CUEDC1: variants seen among roughly 807,000 people sequenced by gnomAD.
The protein encoded by CUEDC1 is CUE domain-containing protein 1.
A neutral mutation model predicts 43.7 loss-of-function variants in CUEDC1; 30 were observed. The ratio of observed to expected loss-of-function variants is 0.69; its 90% CI spans 0.51 to 0.93. The LOEUF is 0.93. Among genes scored for constraint, CUEDC1 ranks in the 40% least tolerant of loss-of-function variants. The pLI is 0.00. For missense variants in CUEDC1, 486 were observed against 549.0 expected (o/e 0.89, Z 1.15); for synonymous variants, 223 against 223.6 (o/e 1.00, Z 0.02).
chr17:57,915,202 A>C (rs1419586781), intron 1 of CUEDC1: 2 of 144,532 alleles, frequency 1.4e-5, no homozygotes, highest in East Asian at 3.9e-4. Context: ...GTTGGATTCC[A>C]AAAAAAACTT....
chr17:57,931,087 G>A (rs1448772988), intron 1 of CUEDC1, among the ~76,000 whole-genome samples: 3 of 152,036 alleles, frequency 2.0e-5, no homozygotes, highest in Non-Finnish European at 2.9e-5. Flanking sequence ...TCAGGAGTTC[G>A]AGACCAGTCT....
chr17:57,864,508 G>C (rs551294302), intron 10 of CUEDC1, among the ~76,000 whole-genome samples: 1 of 152,240 alleles, frequency 6.6e-6, no homozygotes, highest in South Asian at 2.1e-4. Context: ...GGAGCCAAGG[G>C]AGGGCAGCTT....
At chr17:57,938,291 T>C (rs1318498090) in intron 1 of CUEDC1, among the ~76,000 whole-genome samples, 1 of 152,222 alleles carries the variant, frequency 6.6e-6, no homozygotes, top group Non-Finnish European at 1.5e-5. Flanking sequence ...TACTCTCTGG[T>C]TTATGATGTC....
intron 3 of CUEDC1, 120 bp from the exon 4 acceptor site, chr17:57,873,837 AC>A: frequency 2.8e-6 from 3 of 1,057,260 alleles, no homozygotes; most frequent in Non-Finnish European, 3.9e-6. Flanking sequence ...CATGGCCTCC[AC>A]TGCCTCCAGA....
intron 1 of CUEDC1, among the ~76,000 whole-genome samples, chr17:57,928,509 T>A (rs1391365552): frequency 2.2e-5 from 3 of 135,612 alleles, no homozygotes; most frequent in East Asian, 4.2e-4. Flanking sequence ...AGATCGCCAC[T>A]GCACTCCAGC....
intron 1 of CUEDC1, among the ~76,000 whole-genome samples, chr17:57,911,663 T>A (rs1435240412): frequency 4.6e-5 from 7 of 152,098 alleles, no homozygotes; most frequent in Admixed American, 3.9e-4. Flanking sequence ...CCACCACACC[T>A]GGCTAATTTT....
chr17:57,867,323 G>T, intron 9 of CUEDC1, 34 bp downstream of exon 9: 15 of 1,543,890 alleles, frequency 9.7e-6, no homozygotes, highest in African/African-American at 1.4e-5. Context: ...CGATCATAGA[G>T]AAGTTGGAGC....
At chr17:57,871,653 G>A (rs2074036441) in intron 5 of CUEDC1, among the ~76,000 whole-genome samples, 1 of 152,254 alleles carries the variant, frequency 6.6e-6, no homozygotes, top group African/African-American at 2.4e-5. Flanking sequence ...GCCAGGGATG[G>A]TGGCTCATGC....
chr17:57,919,366 G>A (rs925793161), intron 1 of CUEDC1, among the ~76,000 whole-genome samples: 4 of 151,986 alleles, frequency 2.6e-5, no homozygotes, highest in African/African-American at 7.3e-5. Flanking sequence ...TTTTAGTAGA[G>A]ACAGGGATTC....
chr17:57,940,534 T>C (rs1012206915), intron 1 of CUEDC1, among the ~76,000 whole-genome samples: 3 of 152,158 alleles, frequency 2.0e-5, no homozygotes, highest in Admixed American at 1.3e-4. Context: ...TGGCTACAGA[T>C]GGAGGTGCAC....
chr17:57,929,577 G>A (rs1013149995), intron 1 of CUEDC1, among the ~76,000 whole-genome samples: 4 of 152,178 alleles, frequency 2.6e-5, no homozygotes, highest in African/African-American at 9.7e-5. Context: ...ACAGGGTATA[G>A]ACCAGTCTGG....
intron 2 of CUEDC1, among the ~76,000 whole-genome samples, chr17:57,882,569 T>C (rs1336237346): frequency 1.3e-5 from 2 of 152,104 alleles, no homozygotes; most frequent in African/African-American, 4.8e-5. Context: ...TTAAAGCATA[T>C]ACAGTTGACT....
intron 7 of CUEDC1, 86 bp downstream of exon 7, chr17:57,869,028 ATTACATGT>A: frequency 7.9e-7 from 1 of 1,267,108 alleles, no homozygotes; most frequent in Non-Finnish European, 1.1e-6. Flanking sequence ...AGTCAGCTGC[ATTACATGT>A]GCTGAGGGGC....
chr17:57,923,753 A>C (rs1440968157), intron 1 of CUEDC1, among the ~76,000 whole-genome samples: 1 of 152,220 alleles, frequency 6.6e-6, no homozygotes, highest in Non-Finnish European at 1.5e-5. Context: ...AGGTTGGTGC[A>C]TTTTGTGACC....
intron 1 of CUEDC1, among the ~76,000 whole-genome samples, chr17:57,902,457 A>G (rs949933561): frequency 6.6e-6 from 1 of 152,242 alleles, no homozygotes; most frequent in African/African-American, 2.4e-5. Context: ...GCAGACCCAC[A>G]GCCCGGACAC....
rs1476096504 is a variant in CUEDC1 at position 57,885,808 on chromosome 17, C to T, written c.-244G>A. 2.4e-6 allele frequency: 1 copy of T among 413,732 alleles called. No homozygotes were observed. Among genetic ancestry groups the T allele is most frequent in the East Asian group, 4.5e-5 (1 of 22,146 alleles). The allele number at this position is 413,732 out of a possible 1,614,324, so 25.6% of individuals were successfully genotyped here. On this transcript the variant is annotated 5_prime_UTR_variant, in exon 2 of 11. Coordinates refer to ENST00000577830, the MANE Select transcript of CUEDC1 (RefSeq NM_001271875.2). ...GGGGCGGTGGCATGCGGGACCGGGC[C>T]GTGCTGGGGCTGGGCGGCCGGTCAT...
chr17:57,911,883 C>G (rs1441871864), intron 1 of CUEDC1, among the ~76,000 whole-genome samples: 3 of 152,204 alleles, frequency 2.0e-5, no homozygotes, highest in Non-Finnish European at 4.4e-5. Flanking sequence ...TTCCTCATGT[C>G]CCAGGTGAAC....
intron 1 of CUEDC1, among the ~76,000 whole-genome samples, chr17:57,953,883 C>A (rs2075030470): frequency 6.6e-6 from 1 of 152,198 alleles, no homozygotes; most frequent in Admixed American, 6.5e-5. Context: ...CCCAGCCCTG[C>A]TGCACACGCT....
chr17:57,924,686 C>G (rs2074729701), intron 1 of CUEDC1, among the ~76,000 whole-genome samples: 1 of 152,078 alleles, frequency 6.6e-6, no homozygotes, highest in Admixed American at 6.5e-5. Context: ...TCAAAGGGCG[C>G]TCAAATGAGT....
Sources: allele counts gnomAD v4.1 joint callset (sites outside exome capture counted in the v4.1 genomes callset), GRCh38; gene constraint gnomAD v4.1.1; transcripts MANE v1.5; gene names NCBI Gene and HGNC (gene_info 2026-07-23, HGNC 2026-07-21).